Variants in CEP250 observed in about 807,000 individuals in gnomAD.
CEP250 encodes the protein centrosome-associated protein CEP250.
CEP250 carries 242 observed loss-of-function variants against 315.7 expected under a neutral mutation model. That is an observed-to-expected ratio of 0.77 (90% CI 0.69 to 0.85). The LOEUF (loss-of-function observed/expected upper bound fraction) is 0.85. CEP250 is among the 40% of genes least tolerant of loss of function. The pLI is 0.00. For missense variants in CEP250, 2,515 were observed against 2,886.4 expected, an observed-to-expected ratio of 0.87 and a Z score of 2.95; for synonymous variants, 1,088 against 1,175.0, an observed-to-expected ratio of 0.93 and a Z score of 1.51.
At chr20:35,474,630 A>G (rs1348349382) in intron 14 of CEP250, among the ~76,000 whole-genome samples, 1 of 152,248 alleles carries the variant, frequency 6.6e-6, no homozygotes, top group Non-Finnish European at 1.5e-5. Flanking sequence ...TAGCTGGTCA[A>G]GAAAGGGAAA....
intron 20 of CEP250, among the ~76,000 whole-genome samples, chr20:35,485,158 A>G (rs1444267431): frequency 6.6e-6 from 1 of 152,066 alleles, no homozygotes; most frequent in Non-Finnish European, 1.5e-5. Context: ...GGATCACCTG[A>G]AGTCAGGAGT....
At chr20:35,480,751 T>A (rs1419541630) in intron 20 of CEP250, among the ~76,000 whole-genome samples, 1 of 151,764 alleles carries the variant, frequency 6.6e-6, no homozygotes, top group Non-Finnish European at 1.5e-5. Flanking sequence ...TGCCACCACA[T>A]CTGGCTAATT....
At position 35,501,539 on chromosome 20, in the gene CEP250, G is replaced by T. The variant is rs757934183; in HGVS notation, c.3899-306G>T. On this transcript the variant is annotated intron_variant, in intron 28 of 34. Coordinates refer to ENST00000397527, the MANE Select transcript of CEP250 (RefSeq NM_007186.6). ...TAGAAGGAACCTCCAGTGTCATCTG[G>T]CTCAACCCTGTCTGGAATTGAGGGC... Among the ~76,000 whole-genome samples, 21 of 152,200 alleles carry T rather than the reference G, an allele frequency of 1.4e-4. 1 individual carries two copies. In the East Asian group the frequency reaches 4.1e-3, roughly 29 times the overall value.
At chr20:35,493,322 C>A in intron 22 of CEP250, 107 bp from the exon 23 acceptor site, 1 of 1,064,216 alleles carries the variant, frequency 9.4e-7, no homozygotes, top group Non-Finnish European at 1.3e-6. Context: ...GAGGTGGAAA[C>A]AATGTGGATT....
intron 9 of CEP250, 137 bp from the exon 10 acceptor site, chr20:35,469,753 T>G: frequency 1.9e-6 from 1 of 530,166 alleles, no homozygotes; most frequent in Middle Eastern, 4.8e-4. Flanking sequence ...GCAGACGGGC[T>G]GGGGGTGCCT....
In CEP250 at chr20:35,472,781, G is replaced by T. The variant is rs770666823; in HGVS notation, c.1159G>T (p.Ala387Ser). The change falls in exon 12 of 35, where the codon GCT becomes TCT. Residue 387 changes from alanine to serine, a missense_variant. By Grantham distance (99) the Ala-to-Ser change is moderately conservative (BLOSUM62 1). Coordinates refer to ENST00000397527, the MANE Select transcript of CEP250 (RefSeq NM_007186.6). ...SQFDYQDADK[A>S]LTLVRSVLTR... ...GTTTGATTACCAGGATGCAGACAAG[G>T]CTCTTACTCTGGTGCGTTCAGTGCT... The T allele has an allele frequency of 4.3e-6, 7 of 1,614,074 alleles. No individual in the cohort carries two copies. The African/African-American group carries it at 6.7e-5, about 15-fold the overall frequency.
Position 35,501,840 on chromosome 20 carries a change from C to T in CEP250, c.3899-5C>T, listed in dbSNP as rs568938479. The T allele has an allele frequency of 6.3e-7, 1 of 1,597,780 alleles. No homozygotes were observed. Among genetic ancestry groups the T allele is most frequent in the African/African-American group, 1.3e-5 (1 of 74,384 alleles). ...CCTCTCCTCTCCTCTCCTCTCTTCTCAAAGAGAAATCTAAGTGGGAAGGAA... is the reference window on the plus strand; with the variant it reads ...CCTCTCCTCTCCTCTCCTCTCTTCTTAAAGAGAAATCTAAGTGGGAAGGAA... On this transcript the variant is annotated splice_region_variant and splice_polypyrimidine_tract_variant and intron_variant, in intron 28 of 34. Transcript: ENST00000397527.
chr20:35,473,308 T>G lies in CEP250; in HGVS notation c.1210-66T>G, dbSNP rs929685356. On this transcript the variant is annotated intron_variant, in intron 12 of 34. Transcript: ENST00000397527. The stretch of plus-strand genomic sequence containing the variant: ...CCGACCCCCTTCTCCAGCCCCACTT[T>G]CGGGGTTCTGACATCCCTCCTTTGC... The G allele has an allele frequency of 2.1e-6, 3 of 1,436,912 alleles. No homozygotes were observed. In the African/African-American group the frequency reaches 4.3e-5, roughly 20 times the overall value. The allele number at this position is 1,436,912 out of a possible 1,614,324, so 89.0% of individuals were successfully genotyped here. A position where few individuals can be genotyped will look rare whatever the true frequency, so the allele number is the denominator to read the frequency against.
Position 35,504,534 on chromosome 20 carries a change from G to C in CEP250, c.6165G>C (p.Gln2055His). 1.2e-6 allele frequency: 2 copies of C among 1,614,054 alleles called. No homozygotes were observed. The highest frequency in any genetic ancestry group is 2.2e-5 in the South Asian group (2 of 91,070). Residue 2055 changes from glutamine to histidine, a missense_variant, in exon 30 of 35, where the codon CAG (glutamine) becomes CAC (histidine). Physicochemically the swap from Gln to His is conservative, Grantham distance 24 (BLOSUM62 0). Transcript: ENST00000397527. ...AQRDEELRHQ[Q>H]EREQLLEKSL... ...GGGATGAAGAGCTGAGACATCAGCA[G>C]GAACGGGAGCAGCTGCTGGAGAAGT...
rs753546802 is a variant in CEP250, at chr20:35,466,039, G to A, written c.327G>A (p.Arg109=). 6.2e-7 allele frequency: 1 copy of A among 1,614,180 alleles called. No individual in the cohort carries two copies. Among genetic ancestry groups the A allele is most frequent in the Non-Finnish European group, 8.5e-7 (1 of 1,180,022 alleles). ...CCACTTTTACCCCTCCCCAGTGCAGGTGTGAGAGTCTAGCAGAGGTGAACA... is the reference window on the plus strand; with the variant it reads ...CCACTTTTACCCCTCCCCAGTGCAGATGTGAGAGTCTAGCAGAGGTGAACA... The part of the protein sequence containing the change: ...LLVRLEEEQQ[R]CESLAEVNTQ... Residue 109 remains arginine, a splice_region_variant and synonymous_variant, in exon 7 of 35, where the codon AGG becomes AGA. Transcript: ENST00000397527.
In CEP250 at chr20:35,517,138, C is replaced by A; in HGVS notation, c.*5512C>A. 1 of 484,302 alleles carries A rather than the reference C, an allele frequency of 2.1e-6. No homozygotes were observed. The highest frequency in any genetic ancestry group is 2.7e-6 in the Non-Finnish European group (1 of 371,718). The allele number at this position is 484,302 out of a possible 1,614,324, so 30.0% of individuals were successfully genotyped here. A position where few individuals can be genotyped will look rare whatever the true frequency, so the allele number is the denominator to read the frequency against. ...CTCCTTCCAGCACCTTAGCTCCTGC[C>A]TCCCTCTGGACCTATTCAGTCCTCA... On this transcript the variant is annotated 3_prime_UTR_variant, in exon 35 of 35. Coordinates refer to ENST00000397527, the MANE Select transcript of CEP250 (RefSeq NM_007186.6).
chr20:35,455,917 C>T (rs1347622745), intron 1 of CEP250, among the ~76,000 whole-genome samples, 166 bp downstream of exon 1: 5 of 152,136 alleles, frequency 3.3e-5, no homozygotes, highest in Non-Finnish European at 7.4e-5. Flanking sequence ...TATTTAGAGA[C>T]GGAGTTTCGC....
Position 35,493,454 on chromosome 20 carries a change from A to G in CEP250, c.2915A>G (p.Gln972Arg). Residue 972 changes from glutamine to arginine, a missense_variant, in exon 23 of 35, where the codon CAG (glutamine) becomes CGG (arginine). By Grantham distance (43) the Gln-to-Arg change is conservative. Transcript: ENST00000397527. ...EQETTGILQT[Q>R]LQEAQRELKE... ...GAGACCACTGGGATACTACAGACCCAGCTCCAGGAGGCTCAACGGGAGCTG... is the reference window on the plus strand; with the variant it reads ...GAGACCACTGGGATACTACAGACCCGGCTCCAGGAGGCTCAACGGGAGCTG... The G allele has an allele frequency of 2.5e-6, 4 of 1,608,188 alleles. No individual in the cohort carries two copies. Among genetic ancestry groups the G allele is most frequent in the Non-Finnish European group, 8.5e-7 (1 of 1,177,460 alleles).
At chr20:35,485,794 A>G (rs1464588936) in intron 20 of CEP250, among the ~76,000 whole-genome samples, 1 of 145,596 alleles carries the variant, frequency 6.9e-6, no homozygotes, top group Non-Finnish European at 1.5e-5. Flanking sequence ...AGCTGGGACC[A>G]CAGGCATGAA....
At position 35,472,583 on chromosome 20, in the gene CEP250, A is replaced by G. The variant is rs1004360980; in HGVS notation, c.1051-90A>G. On this transcript the variant is annotated intron_variant, in intron 11 of 34. Coordinates refer to ENST00000397527, the MANE Select transcript of CEP250 (RefSeq NM_007186.6). ...GGGGAGAGGACCTGAGAAGGAAAACATCAGGTTTGTCCAGGCTATAGGGTT... is the reference window on the plus strand; with the variant it reads ...GGGGAGAGGACCTGAGAAGGAAAACGTCAGGTTTGTCCAGGCTATAGGGTT... The G allele has an allele frequency of 5.3e-6, 7 of 1,315,958 alleles. No homozygotes were observed. The Admixed American group carries it at 1.4e-4, about 25-fold the overall frequency. 81.5% of individuals were successfully genotyped at this position (1,315,958 alleles called of 1,614,324 possible).
At position 35,491,537 on chromosome 20, in the gene CEP250, G is replaced by T. The variant is rs144799504; in HGVS notation, c.2889+191G>T. On this transcript the variant is annotated intron_variant, in intron 22 of 34. Transcript: ENST00000397527. ...TAATCCCAGCACTTTGGCAGGCCAA[G>T]GTGGGTGGATCACCTAAGGTCAGGA... 9.0e-3 allele frequency among the ~76,000 whole-genome samples: 1,374 copies of T among 152,218 alleles called. 12 individuals are homozygous for T. The highest frequency in any genetic ancestry group is 0.02 in the Middle Eastern group (6 of 294).
In CEP250 at chr20:35,467,045, T is replaced by G; in HGVS notation, c.572T>G (p.Phe191Cys). 1.9e-6 allele frequency: 3 copies of G among 1,613,752 alleles called. No homozygotes were observed. Among genetic ancestry groups the G allele is most frequent in the Non-Finnish European group, 1.7e-6 (2 of 1,179,778 alleles). The part of the protein sequence containing the change: ...WREVVTFRRH[F>C]LEMKSATDRD... ...GAGGTTGTGACATTCCGACGCCACT[T>G]CCTGGAAATGAAGTCAGCTACTGAC... The change falls in exon 8 of 35, where the codon TTC (phenylalanine) becomes TGC (cysteine). Residue 191 changes from phenylalanine to cysteine, a missense_variant. By Grantham distance (205) the Phe-to-Cys change is radical (BLOSUM62 -2). Coordinates refer to ENST00000397527, the MANE Select transcript of CEP250 (RefSeq NM_007186.6).
At position 35,503,892 on chromosome 20, in the gene CEP250, C is replaced by T. The variant is rs943676339; in HGVS notation, c.5523C>T (p.Asp1841=). Residue 1841 remains aspartate, a synonymous_variant, in exon 30 of 35, where the codon GAC becomes GAT. Coordinates refer to ENST00000397527, the MANE Select transcript of CEP250 (RefSeq NM_007186.6). This position sits in a 1 kb window ranked among gnomAD's most constrained non-coding sequence, Gnocchi z 4.2. ...AGGAGAGGGTGAAGGAAAAGGCAGA[C>T]GCCCTCCAGGGAGCTCTGGAGCAAG... The part of the protein sequence containing the change: ...GQEERVKEKA[D]ALQGALEQAH... The T allele has an allele frequency of 5.6e-6, 9 of 1,613,694 alleles. No homozygotes were observed. Among genetic ancestry groups the T allele is most frequent in the South Asian group, 3.3e-5 (3 of 91,060 alleles).
intron 20 of CEP250, among the ~76,000 whole-genome samples, chr20:35,487,289 G>A (rs948710952): frequency 4.6e-5 from 7 of 151,770 alleles, no homozygotes; most frequent in African/African-American, 1.7e-4. Context: ...CCAACCTGGT[G>A]ACACCCCGTC....
Sources: gnomAD v4.1 joint callset for allele counts (sites outside exome capture counted in the v4.1 genomes callset) on GRCh38, gnomAD v4.1.1 for gene constraint, Gnocchi (gnomAD v3.1) non-coding constraint, MANE v1.5 for transcripts, NCBI Gene and HGNC (gene_info 2026-07-23, HGNC 2026-07-21) for gene names.